Variants in HYCC1 observed in about 807,000 individuals in gnomAD.
HYCC1 encodes hyccin PI4KA lipid kinase complex subunit 1.
chr7:22,941,914 G>A, the HYCC1 span: 1 of 152,064 alleles, frequency 6.6e-6, no homozygotes, highest in Non-Finnish European at 1.5e-5. Context: ...AATGCTTAAA[G>A]TACCCATCAA....
At chr7:22,986,617 G>A in the HYCC1 span, among the ~76,000 whole-genome samples, 1 of 152,206 alleles carries the variant, frequency 6.6e-6, no homozygotes, top group Non-Finnish European at 1.5e-5. Flanking sequence ...GGAGCCTGAG[G>A]CAGGTGGATC....
the HYCC1 span, among the ~76,000 whole-genome samples, chr7:23,009,069 G>T: frequency 6.6e-6 from 1 of 152,124 alleles, no homozygotes; most frequent in Middle Eastern, 3.4e-3. Flanking sequence ...GAAATTATTT[G>T]CAATGTAATT....
chr7:22,995,778 A>T, the HYCC1 span, among the ~76,000 whole-genome samples: 1 of 152,302 alleles, frequency 6.6e-6, no homozygotes, highest in East Asian at 1.9e-4. Flanking sequence ...CCCCATTGAG[A>T]GTGCACTGGA....
At chr7:22,959,014 A>G in the HYCC1 span, among the ~76,000 whole-genome samples, 6 of 152,262 alleles carry the variant, frequency 3.9e-5, no homozygotes, top group East Asian at 9.6e-4. Flanking sequence ...GGTAAACCAT[A>G]TCTAATTAAA....
At chr7:22,990,291 T>C in the HYCC1 span, among the ~76,000 whole-genome samples, 1 of 152,184 alleles carries the variant, frequency 6.6e-6, no homozygotes, top group South Asian at 2.1e-4. Context: ...TTTTATCTTT[T>C]CTTTGGTTTG....
At chr7:22,996,842 A>G in the HYCC1 span, among the ~76,000 whole-genome samples, 2 of 152,152 alleles carry the variant, frequency 1.3e-5, no homozygotes, top group Non-Finnish European at 1.5e-5. Context: ...AGACTTGACT[A>G]TATAACTCTG....
the HYCC1 span, among the ~76,000 whole-genome samples, chr7:22,953,126 G>T: frequency 2.6e-5 from 4 of 151,896 alleles, no homozygotes; most frequent in Non-Finnish European, 5.9e-5. Flanking sequence ...TCTTTATTAA[G>T]TCTCAAGTTT....
At chr7:22,929,286 G>T in the HYCC1 span, among the ~76,000 whole-genome samples, 1 of 152,164 alleles carries the variant, frequency 6.6e-6, no homozygotes, top group South Asian at 2.1e-4. Flanking sequence ...CATGGGCAAG[G>T]ACTTCATGTC....
chr7:22,980,417 T>C, the HYCC1 span, among the ~76,000 whole-genome samples: 2 of 152,144 alleles, frequency 1.3e-5, no homozygotes, highest in African/African-American at 4.8e-5. Context: ...ATGTGTCATC[T>C]CTCCATTGTA....
the HYCC1 span, among the ~76,000 whole-genome samples, chr7:23,012,807 A>T: frequency 0.095 from 14,431 of 152,228 alleles, 806 homozygotes; most frequent in Middle Eastern, 0.13. Context: ...TGGCAATAAG[A>T]TTTGAAAGCT....
chr7:23,010,831 T>C, the HYCC1 span, among the ~76,000 whole-genome samples: 2 of 152,206 alleles, frequency 1.3e-5, 1 homozygote, highest in South Asian at 4.1e-4. Flanking sequence ...TGAGAACCAC[T>C]ACTCAATGAA....
the HYCC1 span, chr7:22,977,340 C>T: frequency 6.4e-7 from 1 of 1,552,516 alleles, no homozygotes; most frequent in Non-Finnish European, 8.9e-7. Flanking sequence ...ATGTCACTTA[C>T]TTCATGGTAT....
chr7:22,983,200 A>G, the HYCC1 span, among the ~76,000 whole-genome samples: 1 of 151,872 alleles, frequency 6.6e-6, no homozygotes, highest in South Asian at 2.1e-4. Context: ...GTGATGGTGC[A>G]CGACTGAAGT....
At chr7:22,978,430 G>T in the HYCC1 span, 1 of 1,613,872 alleles carries the variant, frequency 6.2e-7, no homozygotes, top group South Asian at 1.1e-5. Context: ...AAGAGCTGGT[G>T]ACAGACAGGT....
chr7:22,951,640 G>A, the HYCC1 span, among the ~76,000 whole-genome samples: 1 of 151,740 alleles, frequency 6.6e-6, no homozygotes, highest in Non-Finnish European at 1.5e-5. Flanking sequence ...GGAGAAAAAT[G>A]TTATCTGTAT....
At chr7:22,991,052 A>T in the HYCC1 span, 1 of 1,580,472 alleles carries the variant, frequency 6.3e-7, no homozygotes, top group Non-Finnish European at 8.7e-7. Context: ...GTAGAACAGT[A>T]AATATTACCT....
chr7:22,960,748 C>G, the HYCC1 span, among the ~76,000 whole-genome samples: 1 of 152,154 alleles, frequency 6.6e-6, no homozygotes, highest in Non-Finnish European at 1.5e-5. Flanking sequence ...GGAAGTCAGT[C>G]TAATAAAAAT....
chr7:22,913,821 C>T, the HYCC1 span, among the ~76,000 whole-genome samples: 7 of 152,314 alleles, frequency 4.6e-5, no homozygotes, highest in African/African-American at 1.7e-4. Context: ...CACACGGACA[C>T]GTGTGACATT....
the HYCC1 span, chr7:22,945,621 G>C: frequency 1.2e-6 from 2 of 1,612,392 alleles, no homozygotes; most frequent in Non-Finnish European, 1.7e-6. Flanking sequence ...CTAATACTAG[G>C]AGGTCTCTGC....
Sources: allele counts gnomAD v4.1 joint callset (sites outside exome capture counted in the v4.1 genomes callset), GRCh38; gene constraint gnomAD v4.1.1; transcripts MANE v1.5; gene names NCBI Gene and HGNC (gene_info 2026-07-23, HGNC 2026-07-21).